The following ISCA1 variants were observed in gnomAD, a reference collection of about 807,000 sequenced individuals.
ISCA1 encodes iron-sulfur cluster assembly 1 homolog, mitochondrial.
ISCA1 carries 9 observed loss-of-function variants against 14.7 expected under a neutral mutation model. That is an observed-to-expected ratio of 0.61 (90% CI 0.37 to 1.07). The LOEUF (loss-of-function observed/expected upper bound fraction) is 1.07. Ranked by LOEUF, ISCA1 falls within the 50% of genes least tolerant of loss-of-function variation. The pLI is 0.01. For synonymous variants in ISCA1, 38 were observed against 54.3 expected (o/e 0.70, Z 1.32); for missense variants, 102 against 150.1 (o/e 0.68, Z 1.67).
At chr9:86,274,445 T>C (rs1825417022) in intron 1 of ISCA1, among the ~76,000 whole-genome samples, 1 of 152,164 alleles carries the variant, frequency 6.6e-6, no homozygotes, top group Non-Finnish European at 1.5e-5. Context: ...AAAAATCTGC[T>C]AGCAACATCC....
At chr9:86,272,798 T>C (rs573294591) in intron 2 of ISCA1, among the ~76,000 whole-genome samples, 3 of 152,352 alleles carry the variant, frequency 2.0e-5, no homozygotes, top group East Asian at 1.9e-4. Context: ...CCCTGTACTT[T>C]AAATAACTTC....
intron 1 of ISCA1, among the ~76,000 whole-genome samples, chr9:86,281,789 A>G (rs1825519895): frequency 6.6e-6 from 1 of 152,258 alleles, no homozygotes; most frequent in African/African-American, 2.4e-5. Flanking sequence ...TGCTAGAGGC[A>G]CAGAGGGAGT....
At chr9:86,266,753 TCTCA>T (rs1825296931) in intron 3 of ISCA1, 1 of 151,352 alleles carries the variant, frequency 6.6e-6, no homozygotes, top group Non-Finnish European at 1.5e-5. Context: ...TTGGACAGAG[TCTCA>T]CTCTGTCACC....
intron 3 of ISCA1, among the ~76,000 whole-genome samples, chr9:86,270,021 C>T (rs1292585396): frequency 1.3e-5 from 2 of 151,612 alleles, no homozygotes; most frequent in African/African-American, 4.9e-5. Flanking sequence ...CCATTCAGGA[C>T]ATAGGCATGG....
chr9:86,280,443 T>C (rs1360025694), intron 1 of ISCA1, among the ~76,000 whole-genome samples: 1 of 150,704 alleles, frequency 6.6e-6, no homozygotes, highest in Non-Finnish European at 1.5e-5. Context: ...AATAAATAAA[T>C]AAATAAGCTG....
intron 1 of ISCA1, 131 bp downstream of exon 1, chr9:86,282,247 C>A (rs990421788): frequency 7.2e-6 from 7 of 967,742 alleles, no homozygotes; most frequent in African/African-American, 1.7e-5. Context: ...GGCTGTGCGG[C>A]GGGTCGGAGC....
Position 86,271,991 on chromosome 9 carries a change from T to A in ISCA1, c.241+16A>T. ...GGCAAAACAATGTGCCCAAAAAATG[T>A]TTGTTAAAAACTCACCATCTTGAAT... On this transcript the variant is annotated intron_variant, in intron 3 of 3. Transcript: ENST00000375991. 1 of 1,467,754 alleles carries A rather than the reference T, an allele frequency of 6.8e-7. No homozygotes were observed. Among genetic ancestry groups the A allele is most frequent in the Admixed American group, 1.7e-5 (1 of 57,652 alleles). The allele number at this position is 1,467,754 out of a possible 1,614,324, so 90.9% of individuals were successfully genotyped here.
In ISCA1 at chr9:86,269,964, C is replaced by T. The variant is rs979678111; in HGVS notation, c.241+2043G>A. Among the ~76,000 whole-genome samples the T allele has an allele frequency of 1.0e-3, 157 of 152,042 alleles. 1 individual carries two copies. Among genetic ancestry groups the T allele is most frequent in the African/African-American group, 2.5e-3 (104 of 41,456 alleles). On this transcript the variant is annotated intron_variant, in intron 3 of 3. Coordinates refer to ENST00000375991, the MANE Select transcript of ISCA1 (RefSeq NM_030940.4). ...ATTCAAGATGGATTAAAGACTTAAA[C>T]GTTAGACCTAAAACCATAAAAACCC...
At chr9:86,266,904 CCCAA>C (rs2131219750) in intron 3 of ISCA1, 1 of 152,440 alleles carries the variant, frequency 6.6e-6, no homozygotes, top group South Asian at 2.1e-4. Flanking sequence ...CACCACGTGG[CCCAA>C]GCTGGTCTTG....
intron 1 of ISCA1, among the ~76,000 whole-genome samples, chr9:86,280,723 G>C (rs767556643): frequency 3.3e-5 from 5 of 152,136 alleles, no homozygotes; most frequent in Admixed American, 3.3e-4. Context: ...GCCTGAGGCA[G>C]TGGACTGCTT....
intron 1 of ISCA1, among the ~76,000 whole-genome samples, chr9:86,276,177 G>A (rs1349344441): frequency 6.6e-6 from 1 of 151,582 alleles, no homozygotes; most frequent in Non-Finnish European, 1.5e-5. Context: ...GACAGTGACA[G>A]ATCATCAGGC....
intron 1 of ISCA1, among the ~76,000 whole-genome samples, chr9:86,274,452 A>G (rs1265903202): frequency 6.6e-6 from 1 of 152,080 alleles, no homozygotes; most frequent in South Asian, 2.1e-4. Flanking sequence ...TGCTAGCAAC[A>G]TCCTTTTAAT....
chr9:86,282,511 T>G lies in ISCA1; in HGVS notation c.-53A>C. ...CGGGCCGAAGGTCGGCCGCCTCAGC[T>G]TCTCTCCATGGACACGGCGGGCGCA... On this transcript the variant is annotated 5_prime_UTR_variant, in exon 1 of 4. Transcript: ENST00000375991. 2 of 1,549,708 alleles carry G rather than the reference T, an allele frequency of 1.3e-6. No homozygotes were observed. The highest frequency in any genetic ancestry group is 1.7e-6 in the Non-Finnish European group (2 of 1,146,594).
chr9:86,269,264 A>G (rs1297285206), intron 3 of ISCA1, among the ~76,000 whole-genome samples: 2 of 152,236 alleles, frequency 1.3e-5, no homozygotes, highest in Admixed American at 6.5e-5. Flanking sequence ...AAATCAATGC[A>G]CAAAAATCAC....
intron 3 of ISCA1, among the ~76,000 whole-genome samples, chr9:86,271,699 T>C (rs1386759872): frequency 6.6e-6 from 1 of 152,194 alleles, no homozygotes; most frequent in Non-Finnish European, 1.5e-5. Flanking sequence ...TATAATAATT[T>C]ATCAATTAGT....
intron 3 of ISCA1, among the ~76,000 whole-genome samples, chr9:86,271,783 C>T (rs778477187): frequency 6.6e-6 from 1 of 152,156 alleles, no homozygotes; most frequent in Non-Finnish European, 1.5e-5. Flanking sequence ...CCCCTCTGTG[C>T]CTCAGTTTCT....
intron 1 of ISCA1, 121 bp from the exon 2 acceptor site, chr9:86,274,363 A>G: frequency 3.0e-6 from 2 of 671,072 alleles, no homozygotes; most frequent in East Asian, 5.4e-5. Flanking sequence ...CATTCTTGCC[A>G]GGGTACCTTA....
chr9:86,273,117 C>G (rs1022203859), intron 2 of ISCA1, among the ~76,000 whole-genome samples: 2 of 152,156 alleles, frequency 1.3e-5, no homozygotes, highest in Non-Finnish European at 2.9e-5. Context: ...AATCAGAACA[C>G]TGATATCCTT....
At chr9:86,274,058 TA>T in intron 2 of ISCA1, 130 bp downstream of exon 2, 1 of 588,258 alleles carries the variant, frequency 1.7e-6, no homozygotes, top group Non-Finnish European at 3.0e-6. Context: ...TTGAATTTTT[TA>T]AAAATCCTGA....
Sources: gnomAD v4.1 joint callset for allele counts (sites outside exome capture counted in the v4.1 genomes callset) on GRCh38, gnomAD v4.1.1 for gene constraint, MANE v1.5 for transcripts, NCBI Gene and HGNC (gene_info 2026-07-23, HGNC 2026-07-21) for gene names.